The following VSIG10 variants were observed in gnomAD, a reference collection of about 807,000 sequenced individuals.
VSIG10 encodes the protein V-set and immunoglobulin domain containing 10.
In VSIG10, 48 loss-of-function variants were observed where a neutral mutation model predicts 58.7. The ratio of observed to expected loss-of-function variants is 0.82; its 90% CI spans 0.65 to 1.04. The LOEUF (loss-of-function observed/expected upper bound fraction) is 1.04, where lower values mean the gene tolerates loss of function less well. VSIG10 is among the 50% of genes least tolerant of loss of function. The pLI is 0.00. For synonymous variants in VSIG10, 260 were observed against 267.1 expected (o/e 0.97, Z 0.26); for missense variants, 628 against 670.0 (o/e 0.94, Z 0.69).
At chr12:118,070,547 CAAAAA>C (rs10607174) in intron 7 of VSIG10, among the ~76,000 whole-genome samples, 1 of 111,652 alleles carries the variant, frequency 9.0e-6, no homozygotes, top group Non-Finnish European at 1.9e-5. Context: ...GATTCTGTCT[CAAAAA>C]AAAAAAAAAA....
At chr12:118,089,998 G>A (rs2033245433) in intron 2 of VSIG10, among the ~76,000 whole-genome samples, 1 of 152,122 alleles carries the variant, frequency 6.6e-6, no homozygotes, top group South Asian at 2.1e-4. Flanking sequence ...AGCTCCCGGA[G>A]TTTCTCCTGC....
chr12:118,092,627 A>ATTT (rs2033330644), intron 2 of VSIG10, among the ~76,000 whole-genome samples: 2 of 131,570 alleles, frequency 1.5e-5, no homozygotes, highest in Admixed American at 9.4e-5. Flanking sequence ...ATTTCATATG[A>ATTT]TTTTCTTTTT....
intron 4 of VSIG10, among the ~76,000 whole-genome samples, chr12:118,077,011 A>G (rs556893076): frequency 5.3e-5 from 8 of 152,226 alleles, no homozygotes; most frequent in African/African-American, 1.9e-4. Context: ...GCCTACTCTA[A>G]TCCACTATGA....
rs777881390 is a variant in VSIG10 at position 118,082,318 on chromosome 12, C to G, written c.473G>C (p.Arg158Thr). 1.9e-5 allele frequency: 31 copies of G among 1,613,986 alleles called. No homozygotes were observed. Among genetic ancestry groups the G allele is most frequent in the Non-Finnish European group, 2.5e-5 (30 of 1,179,892 alleles). Residue 158 changes from arginine (R) to threonine (T), a missense_variant, in exon 3 of 9, where the codon AGG becomes ACG. Coordinates refer to ENST00000359236, the MANE Select transcript of VSIG10 (RefSeq NM_019086.6). ...QVDFSCNSSS[R>T]PPPVVEWWFQ... ...CCACCATTCAACCACGGGTGGTGGC[C>G]TGGAGCTGCTGTTGCAGCTGAAGTC...
At chr12:118,067,527 G>A (rs559908268) in intron 8 of VSIG10, among the ~76,000 whole-genome samples, 5 of 146,384 alleles carry the variant, frequency 3.4e-5, no homozygotes, top group Non-Finnish European at 7.4e-5. Context: ...GCAGTGGCAC[G>A]ATCTCGGCTC....
chr12:118,067,350 A>G (rs2032285901), intron 8 of VSIG10, among the ~76,000 whole-genome samples: 1 of 152,042 alleles, frequency 6.6e-6, no homozygotes, highest in Non-Finnish European at 1.5e-5. Context: ...CCATCAGGCA[A>G]TTAATCAAAT....
Position 118,103,706 on chromosome 12 carries a change from C to A in VSIG10, c.-35G>T. ...GATCCCGGCTCAGGAAACGCAGGCT[C>A]GGGCTGGGCTGGACGTGTGTGCCCC... On this transcript the variant is annotated 5_prime_UTR_variant, in exon 1 of 9. Transcript: ENST00000359236. 2 of 1,460,446 alleles carry A rather than the reference C, an allele frequency of 1.4e-6. No individual in the cohort carries two copies. The highest frequency in any genetic ancestry group is 1.8e-6 in the Non-Finnish European group (2 of 1,111,186). 90.5% of individuals were successfully genotyped at this position (1,460,446 alleles called of 1,614,324 possible).
chr12:118,092,904 G>A lies in VSIG10; in HGVS notation c.361+2629C>T, dbSNP rs2033339202. ...GTCCGCCTCAGCCTCCCAAAGTGCTGGGATTACCGACGTGACCCACTGCAT... is the reference window on the plus strand; with the variant it reads ...GTCCGCCTCAGCCTCCCAAAGTGCTAGGATTACCGACGTGACCCACTGCAT... On this transcript the variant is annotated intron_variant, in intron 2 of 8. Transcript: ENST00000359236. 9.9e-5 allele frequency among the ~76,000 whole-genome samples: 15 copies of A among 151,908 alleles called. No individual in the cohort carries two copies. The South Asian group carries it at 3.1e-3, about 32-fold the overall frequency.
rs2032243825 is a variant in VSIG10, at chr12:118,066,270, AAG to A, written c.*367_*368del. ...CAAAAAAAAAAAAAAAAAAAAAAAA[AAG>A]CGGCAAAAGGCACCAAGACCCAGTG... On this transcript the variant is annotated 3_prime_UTR_variant, in exon 9 of 9. Coordinates refer to ENST00000359236, the MANE Select transcript of VSIG10 (RefSeq NM_019086.6). 2 of 191,386 alleles carry A rather than the reference AAG, an allele frequency of 1.0e-5. No individual in the cohort carries two copies. Among genetic ancestry groups the A allele is most frequent in the Non-Finnish European group, 2.1e-5 (2 of 93,752 alleles). 11.9% of individuals were successfully genotyped at this position (191,386 alleles called of 1,614,324 possible).
At chr12:118,103,283 T>A (rs946109688) in intron 1 of VSIG10, 59 of 289,372 alleles carry the variant, frequency 2.0e-4, no homozygotes, top group African/African-American at 1.1e-3. Flanking sequence ...AAAAAAAAAA[T>A]CACTTTCCCG....
intron 3 of VSIG10, 55 bp from the exon 4 acceptor site, chr12:118,079,661 C>A: frequency 6.3e-7 from 1 of 1,595,468 alleles, no homozygotes; most frequent in Non-Finnish European, 8.5e-7. Flanking sequence ...GGATCAGCCA[C>A]TGGACTGGCT....
intron 7 of VSIG10, among the ~76,000 whole-genome samples, chr12:118,069,447 CAG>C (rs2032395622): frequency 1.0e-5 from 1 of 95,998 alleles, no homozygotes; most frequent in East Asian, 3.5e-4. Context: ...TTTTTTGAGA[CAG>C]AGTTTCATTC....
chr12:118,076,583 C>T (rs1320738081), intron 4 of VSIG10, among the ~76,000 whole-genome samples: 1 of 151,778 alleles, frequency 6.6e-6, no homozygotes, highest in Non-Finnish European at 1.5e-5. Context: ...AGCAATATGC[C>T]CGTCCTTGGC....
chr12:118,066,832 A>C, intron 8 of VSIG10, 138 bp from the exon 9 acceptor site: 1 of 921,882 alleles, frequency 1.1e-6, no homozygotes, highest in East Asian at 2.6e-5. Flanking sequence ...AAGGTAGGGC[A>C]GCGTGTGTTT....
At chr12:118,093,502 C>G (rs1304978634) in intron 2 of VSIG10, among the ~76,000 whole-genome samples, 4 of 151,968 alleles carry the variant, frequency 2.6e-5, no homozygotes, top group African/African-American at 9.7e-5. Flanking sequence ...AGCCACAGCA[C>G]CCGGCCTGCT....
At chr12:118,087,077 GAAAA>G (rs112904270) in intron 2 of VSIG10, among the ~76,000 whole-genome samples, 19 of 104,132 alleles carry the variant, frequency 1.8e-4, no homozygotes, top group African/African-American at 6.6e-4. Flanking sequence ...TTTAAAAATT[GAAAA>G]AAAAAAAAAA....
In VSIG10 at chr12:118,068,540, C is replaced by T. The variant is rs889831276; in HGVS notation, c.1404G>A (p.Glu468=). Residue 468 remains glutamate, a synonymous_variant, in exon 8 of 9, where the codon GAG becomes GAA. Transcript: ENST00000359236. ...CAGCATCTTCCTCCTCCTCCTCCTC[C>T]TCCTCCTCTTCCTCTTCTGAATCCA... ...VLVDSEEEEE[E]EEEEEEDAAV... The T allele has an allele frequency of 3.1e-6, 5 of 1,604,788 alleles. No homozygotes were observed. The highest frequency in any genetic ancestry group is 2.2e-5 in the East Asian group (1 of 44,628).
intron 2 of VSIG10, among the ~76,000 whole-genome samples, chr12:118,087,853 A>AG (rs1319398499): frequency 1.7e-5 from 2 of 117,102 alleles, no homozygotes; most frequent in South Asian, 2.8e-4. Flanking sequence ...AAAAAAAAAA[A>AG]AAAGAGAGAG....
At chr12:118,101,121 G>A (rs1204938716) in intron 1 of VSIG10, among the ~76,000 whole-genome samples, 1 of 152,208 alleles carries the variant, frequency 6.6e-6, no homozygotes, top group Admixed American at 6.5e-5. Flanking sequence ...TCCTGGTTTG[G>A]CTTACTCCGT....
Sources: allele counts gnomAD v4.1 joint callset (sites outside exome capture counted in the v4.1 genomes callset), GRCh38; gene constraint gnomAD v4.1.1; transcripts MANE v1.5; gene names NCBI Gene and HGNC (gene_info 2026-07-23, HGNC 2026-07-21).